Variants in RBFOX1 observed in about 807,000 individuals in gnomAD.
The protein encoded by RBFOX1 is RNA binding fox-1 homolog 1.
RBFOX1 carries 8 observed loss-of-function variants against 57.7 expected under a neutral mutation model. That is an observed-to-expected ratio of 0.14 (90% CI 0.08 to 0.25). RBFOX1 has a LOEUF of 0.25. Among genes scored for constraint, RBFOX1 ranks in the 10% least tolerant of loss-of-function variants. RBFOX1 has a pLI of 1.00. For synonymous variants in RBFOX1, 326 were observed against 222.4 expected, an observed-to-expected ratio of 1.47 and a Z score of -4.15; for missense variants, 611 against 548.5, an observed-to-expected ratio of 1.11 and a Z score of -1.14.
At chr16:7,274,810 G>A (rs2095409121) in intron 4 of RBFOX1, among the ~76,000 whole-genome samples, 1 of 151,906 alleles carries the variant, frequency 6.6e-6, no homozygotes, top group African/African-American at 2.4e-5. Flanking sequence ...TCAGCCTCCT[G>A]AGTATCTGGA....
chr16:5,691,538 C>T (rs548065349), intron 3 of RBFOX1, among the ~76,000 whole-genome samples: 1 of 152,258 alleles, frequency 6.6e-6, no homozygotes, highest in South Asian at 2.1e-4. Context: ...ACCCAAAATG[C>T]CTAGGACTAG....
intron 4 of RBFOX1, among the ~76,000 whole-genome samples, chr16:7,071,792 A>T (rs181678714): frequency 6.6e-6 from 1 of 151,894 alleles, no homozygotes; most frequent in Non-Finnish European, 1.5e-5. Context: ...CCAAATTCAC[A>T]CTCATCATCT....
chr16:7,523,496 A>G (rs185920251), intron 5 of RBFOX1, among the ~76,000 whole-genome samples: 278 of 152,260 alleles, frequency 1.8e-3, no homozygotes, highest in African/African-American at 6.4e-3. Context: ...GATAATTCCT[A>G]GAGTATTTGA....
intron 3 of RBFOX1, among the ~76,000 whole-genome samples, chr16:6,809,445 A>T (rs1008936295): frequency 6.6e-5 from 10 of 152,100 alleles, no homozygotes; most frequent in African/African-American, 2.4e-4. Flanking sequence ...AGATGTATTG[A>T]TTTATGGGGT....
intron 4 of RBFOX1, among the ~76,000 whole-genome samples, chr16:5,896,328 G>A (rs1309090187): frequency 1.3e-5 from 2 of 152,138 alleles, no homozygotes; most frequent in East Asian, 3.9e-4. Flanking sequence ...GTGGGCAAGG[G>A]TCTTTCATGA....
intron 4 of RBFOX1, among the ~76,000 whole-genome samples, chr16:7,311,478 CTT>C (rs1190746565): frequency 2.4e-5 from 3 of 122,514 alleles, no homozygotes; most frequent in Admixed American, 1.8e-4. Context: ...TGAGCCTTTT[CTT>C]TTTTTTTTTT....
intron 3 of RBFOX1, among the ~76,000 whole-genome samples, chr16:5,648,354 G>C (rs1191721017): frequency 1.3e-5 from 2 of 152,214 alleles, no homozygotes; most frequent in African/African-American, 2.4e-5. Context: ...GAATGCATGC[G>C]AGTGTGATCA....
intron 4 of RBFOX1, among the ~76,000 whole-genome samples, chr16:7,469,422 C>T (rs996417873): frequency 1.3e-5 from 2 of 152,148 alleles, no homozygotes; most frequent in East Asian, 1.9e-4. Context: ...ATCTTCAGAC[C>T]TTTGCCTATG....
intron 1 of RBFOX1, among the ~76,000 whole-genome samples, chr16:6,202,195 G>C (rs978725455): frequency 2.6e-5 from 4 of 152,124 alleles, no homozygotes; most frequent in African/African-American, 4.8e-5. Flanking sequence ...GGATGTTTTT[G>C]CTTTACACAT....
chr16:5,351,966 G>C (rs1008433625), intron 1 of RBFOX1, among the ~76,000 whole-genome samples: 2 of 152,024 alleles, frequency 1.3e-5, no homozygotes, highest in African/African-American at 2.4e-5. Context: ...ACCACGCTCG[G>C]CTAATTTTTT....
At chr16:6,036,205 A>G (rs1343046247) in intron 1 of RBFOX1, among the ~76,000 whole-genome samples, 3 of 152,164 alleles carry the variant, frequency 2.0e-5, no homozygotes, top group African/African-American at 7.2e-5. Flanking sequence ...GAACTGTGTC[A>G]CTTCTCAGCA....
chr16:6,162,442 C>A (rs2152747177), intron 1 of RBFOX1, among the ~76,000 whole-genome samples: 1 of 152,178 alleles, frequency 6.6e-6, no homozygotes, highest in Non-Finnish European at 1.5e-5. Context: ...ACAGGAAGTG[C>A]CAGGCATGCT....
chr16:7,454,768 C>T (rs957793827), intron 4 of RBFOX1, among the ~76,000 whole-genome samples: 6 of 152,240 alleles, frequency 3.9e-5, no homozygotes, highest in African/African-American at 1.4e-4. Flanking sequence ...GTGCAATTGC[C>T]CATCTGTGTT....
chr16:7,021,226 C>G lies in RBFOX1; in HGVS notation c.-15-30831C>G, dbSNP rs186480387. ...TTAGTTGCTGAGTAAATTGTTGTTTCTTATGTGTTGCGTCGGCCCCCACCT... is the reference window on the plus strand; with the variant it reads ...TTAGTTGCTGAGTAAATTGTTGTTTGTTATGTGTTGCGTCGGCCCCCACCT... On this transcript the variant is annotated intron_variant, in intron 3 of 15. Transcript: ENST00000550418. Among the ~76,000 whole-genome samples the G allele has an allele frequency of 1.0e-3, 154 of 151,978 alleles. 1 individual carries two copies. Among genetic ancestry groups the G allele is most frequent in the African/African-American group, 3.5e-3 (145 of 41,478 alleles).
At chr16:6,217,717 A>C (rs1226095881) in intron 1 of RBFOX1, among the ~76,000 whole-genome samples, 1 of 152,284 alleles carries the variant, frequency 6.6e-6, no homozygotes, top group African/African-American at 2.4e-5. Flanking sequence ...GTAGGCCCTC[A>C]CAAATATGTT....
intron 3 of RBFOX1, among the ~76,000 whole-genome samples, chr16:5,851,023 G>T (rs1193898618): frequency 6.6e-6 from 1 of 152,166 alleles, no homozygotes; most frequent in Non-Finnish European, 1.5e-5. Flanking sequence ...TTGCCTTGTT[G>T]ATTCCAGCCT....
intron 4 of RBFOX1, among the ~76,000 whole-genome samples, chr16:7,226,962 A>G (rs893105430): frequency 6.6e-6 from 1 of 152,188 alleles, no homozygotes; most frequent in African/African-American, 2.4e-5. Flanking sequence ...TTATGTAAGA[A>G]TATGAATTTC....
chr16:6,591,051 G>C (rs541757191), intron 2 of RBFOX1, among the ~76,000 whole-genome samples: 11 of 152,284 alleles, frequency 7.2e-5, no homozygotes, highest in Non-Finnish European at 1.3e-4. Flanking sequence ...ATAATTGTGT[G>C]CTGGGCAGGA....
At chr16:5,438,066 A>G (rs1344563931) in intron 1 of RBFOX1, among the ~76,000 whole-genome samples, 2 of 152,234 alleles carry the variant, frequency 1.3e-5, no homozygotes, top group East Asian at 3.8e-4. Flanking sequence ...GCTTGGGTAG[A>G]TGACCCATTG....
Sources: allele counts gnomAD v4.1 joint callset (sites outside exome capture counted in the v4.1 genomes callset), GRCh38; gene constraint gnomAD v4.1.1; transcripts MANE v1.5; gene names NCBI Gene and HGNC (gene_info 2026-07-23, HGNC 2026-07-21).